Variants in RAP1GAP observed in about 807,000 individuals in gnomAD.
The protein encoded by RAP1GAP is RAP1 GTPase activating protein.
A neutral mutation model predicts 87.2 loss-of-function variants in RAP1GAP; 35 were observed. The ratio of observed to expected loss-of-function variants is 0.40; its 90% CI spans 0.31 to 0.53. RAP1GAP has a LOEUF of 0.53. Among genes scored for constraint, RAP1GAP ranks in the 20% least tolerant of loss-of-function variants. The pLI is 0.48. For missense variants in RAP1GAP, 734 were observed against 898.9 expected (o/e 0.82, Z 2.35); for synonymous variants, 375 against 363.9 (o/e 1.03, Z -0.35).
chr1:21,651,903 GCCCCGC>G lies in RAP1GAP; in HGVS notation c.-148-2113_-148-2108del, dbSNP rs930349683. 173 of 980,062 alleles carry G rather than the reference GCCCCGC, an allele frequency of 1.8e-4. 1 individual carries two copies. In the Middle Eastern group the frequency reaches 2.6e-3, roughly 15 times the overall value. The allele number at this position is 980,062 out of a possible 1,614,324, so 60.7% of individuals were successfully genotyped here. A position where few individuals can be genotyped will look rare whatever the true frequency, so the allele number is the denominator to read the frequency against. ...CCCGGGTCACCTTGGCAACGCGGCC[GCCCCGC>G]CCCCGCCCCCGCCCCAGCTCGGATA... On this transcript the variant is annotated intron_variant, in intron 1 of 24. Transcript: ENST00000374765.
chr1:21,598,355 C>T (rs1170519896), intron 22 of RAP1GAP, 45 bp downstream of exon 22: 7 of 1,535,664 alleles, frequency 4.6e-6, no homozygotes, highest in Middle Eastern at 1.7e-4. Context: ...CCCCTCCTAC[C>T]CCAAGGTAGC....
At chr1:21,642,023 C>T (rs2151437782) in intron 2 of RAP1GAP, among the ~76,000 whole-genome samples, 1 of 152,332 alleles carries the variant, frequency 6.6e-6, no homozygotes, top group East Asian at 1.9e-4. Flanking sequence ...AGGCAGGGGC[C>T]ATGAACACCC....
intron 1 of RAP1GAP, among the ~76,000 whole-genome samples, chr1:21,654,189 G>A (rs1434861455): frequency 6.6e-6 from 1 of 152,180 alleles, no homozygotes; most frequent in African/African-American, 2.4e-5. Flanking sequence ...CTTTGGTGAC[G>A]GCTGAATTTA....
At position 21,611,588 on chromosome 1, in the gene RAP1GAP, CG is replaced by C. The variant is rs780526530; in HGVS notation, c.714-8del. ...GTCCAGGCCTCCTCGGAACCTGCCC[CG>C]GGGCCCCCCAGGCCACGCCTCAGTC... On this transcript the variant is annotated splice_polypyrimidine_tract_variant and splice_region_variant and intron_variant, in intron 12 of 24. Transcript: ENST00000374765. The C allele has an allele frequency of 1.2e-5, 19 of 1,614,112 alleles. No individual in the cohort carries two copies. The South Asian group carries it at 2.1e-4, about 18-fold the overall frequency.
intron 2 of RAP1GAP, among the ~76,000 whole-genome samples, chr1:21,636,955 A>AGGGC (rs2094828914): frequency 1.8e-5 from 1 of 56,680 alleles, no homozygotes; most frequent in African/African-American, 6.9e-5. Flanking sequence ...GAAGGGAGGG[A>AGGGC]GGGAGGGAGG....
chr1:21,642,942 A>G (rs1475903814), intron 2 of RAP1GAP, among the ~76,000 whole-genome samples: 1 of 149,792 alleles, frequency 6.7e-6, no homozygotes, highest in Non-Finnish European at 1.5e-5. Flanking sequence ...TCAACTTTTG[A>G]GTCACCTCCT....
chr1:21,596,520 T>A lies in RAP1GAP; in HGVS notation c.*779A>T, dbSNP rs1335558782. 6.6e-6 allele frequency: 1 copy of A among 152,288 alleles called. No individual in the cohort carries two copies. The highest frequency in any genetic ancestry group is 2.4e-5 in the African/African-American group (1 of 41,422). The allele number at this position is 152,288 out of a possible 1,614,324, so 9.4% of individuals were successfully genotyped here. On this transcript the variant is annotated 3_prime_UTR_variant, in exon 25 of 25. Coordinates refer to ENST00000374765, the MANE Select transcript of RAP1GAP (RefSeq NM_002885.4). ...GAGCCAGGTAGGTCCCCATCCCCCA[T>A]GAGGGGGTTACTTGTCTGTCATGTG...
chr1:21,620,087 C>G, intron 3 of RAP1GAP, 37 bp from the exon 4 acceptor site: 3 of 1,611,604 alleles, frequency 1.9e-6, no homozygotes, highest in Non-Finnish European at 2.5e-6. Context: ...GTCAGCTGAT[C>G]CCGCCAAGCC....
intron 2 of RAP1GAP, among the ~76,000 whole-genome samples, chr1:21,638,132 C>T (rs909298564): frequency 7.1e-6 from 1 of 140,964 alleles, no homozygotes; most frequent in African/African-American, 2.6e-5. Context: ...GCCTGAGTAA[C>T]AGAGCAAGAT....
chr1:21,642,962 C>T (rs893523167), intron 2 of RAP1GAP, among the ~76,000 whole-genome samples: 1 of 151,866 alleles, frequency 6.6e-6, no homozygotes, highest in Non-Finnish European at 1.5e-5. Flanking sequence ...TCCAGGAAGC[C>T]CTCCTTGATT....
rs1435815885 is a variant in RAP1GAP at position 21,626,372 on chromosome 1, A to G, written c.-87T>C. 3.7e-6 allele frequency: 6 copies of G among 1,613,246 alleles called. No individual in the cohort carries two copies. The highest frequency in any genetic ancestry group is 4.2e-6 in the Non-Finnish European group (5 of 1,179,330). ...CGTGACAGGTCTAGTGCCTGAGGGA[A>G]GTGCTGGTTCTGCCCATCGCTCCTC... On this transcript the variant is annotated 5_prime_UTR_variant, in exon 3 of 25. Transcript: ENST00000374765.
At chr1:21,597,899 C>A in intron 23 of RAP1GAP, 62 bp downstream of exon 23, 1 of 1,515,596 alleles carries the variant, frequency 6.6e-7, no homozygotes. Flanking sequence ...CCAGCCTCCC[C>A]GCCAGCTCAT....
At chr1:21,664,554 C>T (rs927311191) in intron 1 of RAP1GAP, among the ~76,000 whole-genome samples, 2 of 152,236 alleles carry the variant, frequency 1.3e-5, no homozygotes, top group Non-Finnish European at 2.9e-5. Flanking sequence ...GCCTCCACTT[C>T]TCCTCTTGCT....
chr1:21,604,881 A>ATGGATGGG (rs1419891291), intron 18 of RAP1GAP, among the ~76,000 whole-genome samples: 1 of 132,956 alleles, frequency 7.5e-6, no homozygotes, highest in Non-Finnish European at 1.6e-5. Flanking sequence ...GGATGGATGG[A>ATGGATGGG]TGGATGGGTG....
At chr1:21,638,374 T>C (rs1346504746) in intron 2 of RAP1GAP, among the ~76,000 whole-genome samples, 2 of 151,370 alleles carry the variant, frequency 1.3e-5, no homozygotes, top group African/African-American at 4.9e-5. Context: ...GGAGAATCGC[T>C]TGAACCCAGG....
chr1:21,627,946 C>T (rs2092745948), intron 2 of RAP1GAP, among the ~76,000 whole-genome samples: 2 of 152,168 alleles, frequency 1.3e-5, no homozygotes, highest in South Asian at 4.1e-4. Context: ...CAGACACTGA[C>T]TGGCTAGGTG....
intron 3 of RAP1GAP, among the ~76,000 whole-genome samples, chr1:21,623,732 C>T (rs143422397): frequency 8.4e-4 from 128 of 152,372 alleles, no homozygotes; most frequent in African/African-American, 2.7e-3. Flanking sequence ...TAATTAACAA[C>T]AGCAAATATT....
In RAP1GAP at chr1:21,613,706, C is replaced by T. The variant is rs2079969069; in HGVS notation, c.396G>A (p.Arg132=). The part of the protein sequence containing the change: ...GDQEHLRLLL[R]TKCRTYHDVI... ...CATCATGGTATGTCCGGCACTTGGT[C>T]CTGAGAAGAGAAAGTCACACGATGA... Residue 132 remains arginine, a splice_region_variant and synonymous_variant, in exon 9 of 25, where the codon AGG becomes AGA. Transcript: ENST00000374765. This position sits in a 1 kb window ranked among gnomAD's most constrained non-coding sequence, Gnocchi z 4.7. 1 of 1,611,326 alleles carries T rather than the reference C, an allele frequency of 6.2e-7. No homozygotes were observed. Among genetic ancestry groups the T allele is most frequent in the Non-Finnish European group, 8.5e-7 (1 of 1,178,030 alleles).
Position 21,597,729 on chromosome 1 carries a change from C to A in RAP1GAP, c.1984-1G>T, listed in dbSNP as rs1337400559. 1.9e-6 allele frequency: 3 copies of A among 1,613,546 alleles called. No individual in the cohort carries two copies. Among genetic ancestry groups the A allele is most frequent in the Non-Finnish European group, 2.5e-6 (3 of 1,179,712 alleles). On this transcript the variant is annotated splice_acceptor_variant, in intron 23 of 24. Transcript: ENST00000374765. LOFTEE classifies it high-confidence loss of function. ...AGAGGGGGTGGCCCGGCTAACAGCC[C>A]TGCAGACAGACAGTGGTGGTGAGGC...
Sources: allele counts gnomAD v4.1 joint callset (sites outside exome capture counted in the v4.1 genomes callset), GRCh38; gene constraint gnomAD v4.1.1; non-coding constraint Gnocchi (gnomAD v3.1); transcripts MANE v1.5; gene names NCBI Gene and HGNC (gene_info 2026-07-23, HGNC 2026-07-21).